Variants in KIAA1217 observed in about 807,000 individuals in gnomAD.
The protein encoded by KIAA1217 is sickle tail protein homolog.
In KIAA1217, 88 loss-of-function variants were observed where a neutral mutation model predicts 163.9. That is an observed-to-expected ratio of 0.54 (90% CI 0.45 to 0.64). The LOEUF (loss-of-function observed/expected upper bound fraction) is 0.64, where lower values mean the gene tolerates loss of function less well. KIAA1217 is among the 30% of genes least tolerant of loss of function. KIAA1217 has a pLI of 0.00. For missense variants in KIAA1217, 2,372 were observed against 2,475.0 expected (o/e 0.96, Z 0.88); for synonymous variants, 903 against 923.1 (o/e 0.98, Z 0.39).
intron 1 of KIAA1217, among the ~76,000 whole-genome samples, chr10:23,890,102 T>G (rs186267333): frequency 6.6e-6 from 1 of 151,750 alleles, no homozygotes; most frequent in African/African-American, 2.4e-5. Flanking sequence ...GTTTTCTTAG[T>G]GGGAAGATTT....
rs41279868 is a variant in KIAA1217, at chr10:24,473,904, G to T, written c.1523G>T (p.Arg508Leu). The change falls in exon 6 of 21, where the codon CGC (arginine) becomes CTC (leucine). Residue 508 changes from arginine (R) to leucine (L), a missense_variant. By Grantham distance (102) the Arg-to-Leu change is moderately radical. Coordinates refer to ENST00000376454, the MANE Select transcript of KIAA1217 (RefSeq NM_019590.5). ...CAGCCAGACCGGGCCTCTCCGAGCC[G>T]CCAGGCCTTTAAAAAGGAGCCAGGC... is the stretch of plus-strand genomic sequence containing the variant. The part of the protein sequence containing the change: ...TMQPDRASPS[R>L]QAFKKEPGTL... 1.2e-5 allele frequency: 20 copies of T among 1,614,104 alleles called. No homozygotes were observed. The African/African-American group carries it at 1.7e-4, about 14-fold the overall frequency.
At chr10:23,784,517 T>C (rs1835404397) in intron 1 of KIAA1217, among the ~76,000 whole-genome samples, 1 of 152,194 alleles carries the variant, frequency 6.6e-6, no homozygotes, top group Non-Finnish European at 1.5e-5. Flanking sequence ...TGTTTGTTTT[T>C]AGATCCTTTG....
chr10:24,152,401 C>T (rs76385570), intron 2 of KIAA1217, among the ~76,000 whole-genome samples: 1 of 152,126 alleles, frequency 6.6e-6, no homozygotes, highest in East Asian at 1.9e-4. Context: ...AAGTACTTAG[C>T]CTTTTAAAAA....
At chr10:23,720,239 A>G (rs1181342785) in intron 1 of KIAA1217, among the ~76,000 whole-genome samples, 2 of 152,106 alleles carry the variant, frequency 1.3e-5, no homozygotes, top group Non-Finnish European at 2.9e-5. Context: ...GGACTGAAGA[A>G]TGGGGAGTTG....
intron 2 of KIAA1217, among the ~76,000 whole-genome samples, chr10:24,054,373 G>C (rs1418236452): frequency 6.6e-6 from 1 of 152,152 alleles, no homozygotes; most frequent in Non-Finnish European, 1.5e-5. Flanking sequence ...CCATGGGATT[G>C]GATGAACACC....
intron 2 of KIAA1217, among the ~76,000 whole-genome samples, chr10:24,136,774 A>G (rs1589632128): frequency 6.6e-6 from 1 of 152,224 alleles, no homozygotes; most frequent in African/African-American, 2.4e-5. Context: ...GGAAACATTG[A>G]CTGAGCATTT....
At chr10:24,083,877 G>A (rs940145138) in intron 2 of KIAA1217, among the ~76,000 whole-genome samples, 2 of 152,114 alleles carry the variant, frequency 1.3e-5, no homozygotes, top group Non-Finnish European at 2.9e-5. Flanking sequence ...GGGAATAGCA[G>A]GTCAAGCAAG....
chr10:24,538,732 G>GGTTTTT (rs1554943297), intron 17 of KIAA1217, among the ~76,000 whole-genome samples: 1 of 87,752 alleles, frequency 1.1e-5, no homozygotes, highest in African/African-American at 4.4e-5. Context: ...ATTGTTTTTG[G>GGTTTTT]TTTTTTTTTT....
chr10:24,515,652 C>T (rs529807732), intron 10 of KIAA1217, among the ~76,000 whole-genome samples: 1 of 152,326 alleles, frequency 6.6e-6, no homozygotes, highest in Admixed American at 6.5e-5. Flanking sequence ...AGGGGATTTA[C>T]AGGTACCAGT....
intron 2 of KIAA1217, among the ~76,000 whole-genome samples, chr10:24,135,343 T>G (rs2063794986): frequency 6.6e-6 from 1 of 151,992 alleles, no homozygotes; most frequent in Non-Finnish European, 1.5e-5. Flanking sequence ...TTTAAGTCAG[T>G]GAGTTTTAGC....
At position 24,091,934 on chromosome 10, in the gene KIAA1217, C is replaced by T. The variant is rs544412597; in HGVS notation, c.-171+84560C>T. On this transcript the variant is annotated intron_variant, in intron 2 of 18. Coordinates refer to the KIAA1217 transcript ENST00000376462. The stretch of plus-strand genomic sequence containing the variant: ...TCTTCTGCCATCCCCTAAAAGATCA[C>T]GTGAAGGTCAGACTAGGGCTTGGAA... Among the ~76,000 whole-genome samples the T allele has an allele frequency of 9.9e-5, 15 of 151,804 alleles. No homozygotes were observed. The South Asian group carries it at 1.0e-3, about 11-fold the overall frequency.
At chr10:24,418,736 A>G (rs1278029877) in intron 3 of KIAA1217, among the ~76,000 whole-genome samples, 1 of 152,166 alleles carries the variant, frequency 6.6e-6, no homozygotes, top group Non-Finnish European at 1.5e-5. Flanking sequence ...CAGTGTTTGT[A>G]ACCCTTTTTA....
intron 2 of KIAA1217, among the ~76,000 whole-genome samples, chr10:24,129,643 A>T (rs964349824): frequency 6.6e-6 from 1 of 152,056 alleles, no homozygotes; most frequent in Non-Finnish European, 1.5e-5. Context: ...ACACCTCCCT[A>T]CCATATGACT....
intron 2 of KIAA1217, among the ~76,000 whole-genome samples, chr10:24,283,012 T>C (rs2132262330): frequency 6.6e-6 from 1 of 151,966 alleles, no homozygotes; most frequent in South Asian, 2.1e-4. Flanking sequence ...TTTGTATTTT[T>C]AGTAGAGACG....
At chr10:23,984,408 G>A (rs1262569586) in intron 1 of KIAA1217, among the ~76,000 whole-genome samples, 1 of 152,060 alleles carries the variant, frequency 6.6e-6, no homozygotes, top group Non-Finnish European at 1.5e-5. Context: ...TAATACTTTG[G>A]GTATATACCC....
At chr10:24,304,207 T>C (rs1735978845) in intron 2 of KIAA1217, among the ~76,000 whole-genome samples, 2 of 105,920 alleles carry the variant, frequency 1.9e-5, no homozygotes, top group African/African-American at 1.4e-4. Flanking sequence ...TAGGTTACCT[T>C]TTTTTTTTTT....
At chr10:24,430,471 G>C (rs1399354755) in intron 3 of KIAA1217, among the ~76,000 whole-genome samples, 1 of 152,200 alleles carries the variant, frequency 6.6e-6, no homozygotes. Context: ...GGGTTAGGGG[G>C]AGATGGTTTT....
chr10:23,944,482 CA>C (rs1218234744), intron 1 of KIAA1217, among the ~76,000 whole-genome samples: 3 of 150,056 alleles, frequency 2.0e-5, no homozygotes, highest in Non-Finnish European at 4.4e-5. Context: ...AAAAAAGCAA[CA>C]AAAAATACAC....
chr10:24,371,656 T>C (rs2051665414), intron 2 of KIAA1217, among the ~76,000 whole-genome samples: 1 of 152,204 alleles, frequency 6.6e-6, no homozygotes, highest in African/African-American at 2.4e-5. Flanking sequence ...GTTTTCCCCA[T>C]GCATTTGTGT....
Sources: gnomAD v4.1 joint callset for allele counts (sites outside exome capture counted in the v4.1 genomes callset) on GRCh38, gnomAD v4.1.1 for gene constraint, MANE v1.5 for transcripts, NCBI Gene and HGNC (gene_info 2026-07-23, HGNC 2026-07-21) for gene names.